The following PAFAH1B1 variants were observed in gnomAD, a reference collection of about 807,000 sequenced individuals.
The protein encoded by PAFAH1B1 is platelet-activating factor acetylhydrolase IB subunit beta.
Under a neutral mutation model 57.5 loss-of-function variants are expected in PAFAH1B1, and 2 were observed. The observed-to-expected ratio is 0.03, with a 90% CI of 0.01 to 0.11. The LOEUF is 0.11. Among genes scored for constraint, PAFAH1B1 ranks in the 10% least tolerant of loss-of-function variants. The pLI is 1.00. For synonymous variants in PAFAH1B1, 152 were observed against 169.6 expected (o/e 0.90, Z 0.81); for missense variants, 257 against 512.0 (o/e 0.50, Z 4.81).
chr17:2,665,109 A>G (rs1490824915), intron 2 of PAFAH1B1, among the ~76,000 whole-genome samples: 1 of 152,158 alleles, frequency 6.6e-6, no homozygotes, highest in Non-Finnish European at 1.5e-5. Flanking sequence ...GAAACTTATA[A>G]ATATGAAGTT....
chr17:2,664,060 G>A (rs985426146), intron 2 of PAFAH1B1, among the ~76,000 whole-genome samples: 63 of 152,146 alleles, frequency 4.1e-4, no homozygotes, highest in African/African-American at 1.5e-3. Context: ...GATTACAGAC[G>A]TGAGCCACTG....
At chr17:2,677,172 A>G (rs1328374361) in intron 9 of PAFAH1B1, among the ~76,000 whole-genome samples, 1 of 152,186 alleles carries the variant, frequency 6.6e-6, no homozygotes, top group Admixed American at 6.5e-5. Context: ...AAAATAAAAC[A>G]AATGTGTAAT....
intron 2 of PAFAH1B1, among the ~76,000 whole-genome samples, chr17:2,642,590 A>G (rs2068710677): frequency 6.6e-6 from 1 of 152,210 alleles, no homozygotes; most frequent in South Asian, 2.1e-4. Context: ...TCTGATCCCA[A>G]GCATTTCAGA....
At chr17:2,673,257 C>CT (rs1395124431) in intron 7 of PAFAH1B1, among the ~76,000 whole-genome samples, 3 of 152,172 alleles carry the variant, frequency 2.0e-5, no homozygotes, top group Non-Finnish European at 4.4e-5. Flanking sequence ...AGGAGAGACT[C>CT]TATGTCCTTG....
chr17:2,659,520 C>CAAA (rs1162326785), intron 2 of PAFAH1B1: 474 of 42,836 alleles, frequency 0.011, 5 homozygotes, highest in African/African-American at 0.043. Flanking sequence ...ACTGCCTCGC[C>CAAA]AAAAAAAAAA....
intron 2 of PAFAH1B1, among the ~76,000 whole-genome samples, chr17:2,664,201 A>G (rs2069062673): frequency 6.6e-6 from 1 of 152,182 alleles, no homozygotes; most frequent in Non-Finnish European, 1.5e-5. Context: ...CCATTGAATT[A>G]AAGCCAGTAA....
At position 2,683,385 on chromosome 17, in the gene PAFAH1B1, T is replaced by A. The variant is rs867491342; in HGVS notation, c.*1583T>A. The A allele has an allele frequency of 6.6e-6, 1 of 152,222 alleles. No homozygotes were observed. The highest frequency in any genetic ancestry group is 2.1e-4 in the South Asian group (1 of 4,836). The allele number at this position is 152,222 out of a possible 1,614,324, so 9.4% of individuals were successfully genotyped here. A position where few individuals can be genotyped will look rare whatever the true frequency, so the allele number is the denominator to read the frequency against. On this transcript the variant is annotated 3_prime_UTR_variant, in exon 11 of 11. Coordinates refer to ENST00000397195, the MANE Select transcript of PAFAH1B1 (RefSeq NM_000430.4). ...AGTGACAGTTTAACAAAGATAAAAT[T>A]CTGAACTGCGTTTTATTCATTTGTG...
chr17:2,667,467 A>AG (rs2069121909), intron 5 of PAFAH1B1: 1 of 380,704 alleles, frequency 2.6e-6, no homozygotes, highest in Non-Finnish European at 5.0e-6. Flanking sequence ...TTGGAATAAA[A>AG]TATCATTGTG....
intron 9 of PAFAH1B1, 42 bp downstream of exon 9, chr17:2,676,648 G>A (rs1567561182): frequency 1.8e-6 from 2 of 1,122,100 alleles, no homozygotes; most frequent in Non-Finnish European, 2.7e-6. Context: ...CATCTTCACT[G>A]TTTATACCTT....
rs1365247787 is a variant in PAFAH1B1 at position 2,593,883 on chromosome 17, G to T, written c.-314G>T. ...CCCTCCCCGGGCCCGGGCCCAGCGC[G>T]CCATCCTCCCCCCTCCTTCCCTCCC... On this transcript the variant is annotated 5_prime_UTR_variant, in exon 1 of 11. Transcript: ENST00000397195. The T allele has an allele frequency of 1.5e-5, 2 of 131,466 alleles. No individual in the cohort carries two copies. The highest frequency in any genetic ancestry group is 3.0e-5 in the Non-Finnish European group (2 of 66,214). The allele number at this position is 131,466 out of a possible 1,614,324, so 8.1% of individuals were successfully genotyped here. A position where few individuals can be genotyped will look rare whatever the true frequency, so the allele number is the denominator to read the frequency against.
intron 2 of PAFAH1B1, among the ~76,000 whole-genome samples, chr17:2,651,457 G>T (rs1597553960): frequency 6.6e-6 from 1 of 150,626 alleles, no homozygotes; most frequent in South Asian, 2.1e-4. Context: ...GGTGGTGCCT[G>T]CCTGAAATCC....
At chr17:2,673,762 T>G in intron 7 of PAFAH1B1, 1 of 385,788 alleles carries the variant, frequency 2.6e-6, no homozygotes, top group Non-Finnish European at 4.8e-6. Flanking sequence ...CTCAGATTAG[T>G]AGAGCATAGC....
In PAFAH1B1 at chr17:2,630,761, C is replaced by T. The variant is rs184856335; in HGVS notation, c.-190-7338C>T. Reference sequence around the variant, plus strand: ...AACACTGATTATTCTTAGGTTTGGTCGTTTAAGATAATCCCAGACGTCTTG... The same window carrying T: ...AACACTGATTATTCTTAGGTTTGGTTGTTTAAGATAATCCCAGACGTCTTG... On this transcript the variant is annotated intron_variant, in intron 1 of 10. Coordinates refer to ENST00000397195, the MANE Select transcript of PAFAH1B1 (RefSeq NM_000430.4). Among the ~76,000 whole-genome samples, 810 of 152,190 alleles carry T rather than the reference C, an allele frequency of 5.3e-3. 4 individuals carry two copies. Among genetic ancestry groups the T allele is most frequent in the Non-Finnish European group, 8.1e-3 (553 of 68,008 alleles).
At chr17:2,644,643 G>A (rs965202639) in intron 2 of PAFAH1B1, among the ~76,000 whole-genome samples, 10 of 152,136 alleles carry the variant, frequency 6.6e-5, no homozygotes, top group African/African-American at 2.4e-4. Context: ...GGTATATTTA[G>A]GTAGTTTTCA....
intron 10 of PAFAH1B1, 157 bp from the exon 11 acceptor site, chr17:2,681,572 C>A: frequency 3.2e-6 from 2 of 624,410 alleles, no homozygotes; most frequent in Non-Finnish European, 5.7e-6. Flanking sequence ...TCAAACAGTT[C>A]TGCATCAGTC....
intron 2 of PAFAH1B1, chr17:2,661,999 C>T (rs907521230): frequency 3.2e-4 from 46 of 142,878 alleles, no homozygotes; most frequent in African/African-American, 9.7e-4. Context: ...TGCAGTGAGC[C>T]GAGCTTGCGC....
intron 7 of PAFAH1B1, among the ~76,000 whole-genome samples, chr17:2,673,304 GTCT>G (rs1443232264): frequency 2.6e-5 from 4 of 152,036 alleles, no homozygotes; most frequent in African/African-American, 9.7e-5. Context: ...TTCCTCTGTG[GTCT>G]TCTTTTAGGT....
At chr17:2,598,661 G>A (rs978297726) in intron 1 of PAFAH1B1, among the ~76,000 whole-genome samples, 3 of 149,550 alleles carry the variant, frequency 2.0e-5, no homozygotes, top group African/African-American at 2.5e-5. Flanking sequence ...TATACAATAC[G>A]AGTTCTGAAA....
At chr17:2,621,628 T>G (rs1457332032) in intron 1 of PAFAH1B1, among the ~76,000 whole-genome samples, 3 of 101,776 alleles carry the variant, frequency 2.9e-5, no homozygotes, top group Admixed American at 2.0e-4. Flanking sequence ...TTTTTTTTTT[T>G]TTTTTTTTTT....
Sources: allele counts gnomAD v4.1 joint callset (sites outside exome capture counted in the v4.1 genomes callset), GRCh38; gene constraint gnomAD v4.1.1; transcripts MANE v1.5; gene names NCBI Gene and HGNC (gene_info 2026-07-23, HGNC 2026-07-21).